The following ACVR1C variants were observed in gnomAD, a reference collection of about 807,000 sequenced individuals.
ACVR1C encodes activin receptor type-1C.
A neutral mutation model predicts 57.9 loss-of-function variants in ACVR1C; 23 were observed. The ratio of observed to expected loss-of-function variants is 0.40; its 90% CI spans 0.29 to 0.56. The LOEUF (loss-of-function observed/expected upper bound fraction) is 0.56, where lower values mean the gene tolerates loss of function less well. Among genes scored for constraint, ACVR1C ranks in the 20% least tolerant of loss-of-function variants. The probability of loss-of-function intolerance (pLI) is 0.50; values close to 1 mark genes in which losing one functional copy is unlikely to be tolerated. For synonymous variants in ACVR1C, 214 were observed against 215.3 expected (o/e 0.99, Z 0.05); for missense variants, 480 against 607.9 (o/e 0.79, Z 2.21).
chr2:157,562,967 T>A (rs577872206), intron 2 of ACVR1C, among the ~76,000 whole-genome samples: 1 of 152,154 alleles, frequency 6.6e-6, no homozygotes, highest in African/African-American at 2.4e-5. Flanking sequence ...ATGGAACATA[T>A]GTTAAAATAA....
At chr2:157,555,958 T>C in intron 3 of ACVR1C, 135 bp downstream of exon 3, 2 of 1,050,026 alleles carry the variant, frequency 1.9e-6, no homozygotes, top group South Asian at 3.5e-5. Context: ...TAAAAGGAGT[T>C]CCTATACCAG....
intron 2 of ACVR1C, among the ~76,000 whole-genome samples, chr2:157,562,194 C>A (rs1245361580): frequency 6.6e-6 from 1 of 151,224 alleles, no homozygotes; most frequent in African/African-American, 2.4e-5. Context: ...ACTTGGGAGG[C>A]TGAGGTAGAA....
rs369028325 is a variant in ACVR1C, at chr2:157,540,043, T to C, written c.1225+1047A>G. Among the ~76,000 whole-genome samples the C allele has an allele frequency of 4.7e-4, 72 of 152,350 alleles. No homozygotes were observed. In the South Asian group the frequency reaches 0.015, roughly 32 times the overall value. ...CAATAGTTTAATAATGGCAGGTCTT[T>C]AATCGAATGTTTACTGTGAACAGGC... On this transcript the variant is annotated intron_variant, in intron 7 of 8. Coordinates refer to ENST00000243349, the MANE Select transcript of ACVR1C (RefSeq NM_145259.3).
Position 157,550,292 on chromosome 2 carries a change from A to C in ACVR1C, c.645T>G (p.Cys215Trp), listed in dbSNP as rs770692161. The change falls in exon 4 of 9, where the codon TGT becomes TGG. Residue 215 changes from cysteine to tryptophan, a missense_variant. Coordinates refer to ENST00000243349, the MANE Select transcript of ACVR1C (RefSeq NM_145259.3). Reference protein sequence around the residue: ...RFGEVWHGRWCGEDVAVKIFS... With the variant: ...RFGEVWHGRWWGEDVAVKIFS... ...ATATTTTCACAGCCACATCTTCCCC[A>C]CACCATCTTCCATGCCACACCTCAC... 1 of 1,614,124 alleles carries C rather than the reference A, an allele frequency of 6.2e-7. No homozygotes were observed. The highest frequency in any genetic ancestry group is 1.1e-5 in the South Asian group (1 of 91,080).
intron 1 of ACVR1C, among the ~76,000 whole-genome samples, chr2:157,625,261 T>A (rs889288977): frequency 6.6e-6 from 1 of 152,068 alleles, no homozygotes. Flanking sequence ...CAATTAAGGG[T>A]CCATTCTTCC....
Position 157,602,405 on chromosome 2 carries a change from T to C in ACVR1C, c.74-14988A>G, listed in dbSNP as rs80116867. On this transcript the variant is annotated intron_variant, in intron 1 of 8. Coordinates refer to ENST00000243349, the MANE Select transcript of ACVR1C (RefSeq NM_145259.3). ...GGAAATGATTCTGTAAGTTATAACA[T>C]GCAGAAATGGTTAGGGGGTTGGTCA... Among the ~76,000 whole-genome samples, 105 of 152,330 alleles carry C rather than the reference T, an allele frequency of 6.9e-4. No individual in the cohort carries two copies. The East Asian group carries it at 0.018, about 26-fold the overall frequency.
rs1299272438 is a variant in ACVR1C, at chr2:157,542,692, G to A, written c.1100+14C>T. The stretch of plus-strand genomic sequence containing the variant: ...TCTCACATCTTACTATGCTACCCAA[G>A]TCAGTCGTCTTACCTCTTGGTTCCC... On this transcript the variant is annotated intron_variant, in intron 6 of 8. Coordinates refer to ENST00000243349, the MANE Select transcript of ACVR1C (RefSeq NM_145259.3). 9.9e-6 allele frequency: 16 copies of A among 1,610,704 alleles called. No individual in the cohort carries two copies. Among genetic ancestry groups the A allele is most frequent in the Non-Finnish European group, 1.4e-5 (16 of 1,178,450 alleles).
At chr2:157,605,302 T>A (rs768058609) in intron 1 of ACVR1C, among the ~76,000 whole-genome samples, 1 of 151,782 alleles carries the variant, frequency 6.6e-6, no homozygotes, top group Non-Finnish European at 1.5e-5. Flanking sequence ...TTATAATGAA[T>A]CTTGAAATAG....
At chr2:157,597,799 T>G (rs1239643069) in intron 1 of ACVR1C, among the ~76,000 whole-genome samples, 5 of 152,238 alleles carry the variant, frequency 3.3e-5, no homozygotes, top group Admixed American at 6.5e-5. Context: ...CAGTGATGAT[T>G]TGATGACGCT....
rs1573940504 is a variant in ACVR1C at position 157,589,666 on chromosome 2, G to GA, written c.74-2250dup. Among the ~76,000 whole-genome samples the GA allele has an allele frequency of 2.0e-5, 3 of 151,752 alleles. No homozygotes were observed. In the South Asian group the frequency reaches 6.2e-4, roughly 31 times the overall value. ...AAATACAACATTTTTCACAGAATTA[G>GA]AAAAAATATCCTAAAATTTTTATGG... On this transcript the variant is annotated intron_variant, in intron 1 of 8. Transcript: ENST00000243349.
chr2:157,564,004 A>G (rs1442800985), intron 2 of ACVR1C, among the ~76,000 whole-genome samples: 2 of 152,232 alleles, frequency 1.3e-5, no homozygotes, highest in African/African-American at 2.4e-5. Flanking sequence ...ACCAAAAACC[A>G]TAAAAACCCT....
intron 3 of ACVR1C, among the ~76,000 whole-genome samples, chr2:157,554,175 T>C (rs529192958): frequency 9.9e-5 from 7 of 70,738 alleles, no homozygotes; most frequent in Admixed American, 2.0e-4. Context: ...AGGGTGAGAA[T>C]CTGGAAAAAA....
intron 1 of ACVR1C, among the ~76,000 whole-genome samples, chr2:157,590,051 C>T (rs1487393366): frequency 6.6e-6 from 1 of 151,550 alleles, no homozygotes; most frequent in Admixed American, 6.6e-5. Context: ...AAAGACTTAA[C>T]TCAAAGCCCT....
At chr2:157,551,366 A>T (rs1456859033) in intron 3 of ACVR1C, among the ~76,000 whole-genome samples, 1 of 152,230 alleles carries the variant, frequency 6.6e-6, no homozygotes, top group Non-Finnish European at 1.5e-5. Flanking sequence ...AATGGTTAAC[A>T]TTATGTTAAT....
intron 3 of ACVR1C, among the ~76,000 whole-genome samples, chr2:157,554,268 A>AAAGAAAGAAAGGAAGGAAGGAAGGAAGG (rs1261113225): frequency 8.8e-6 from 1 of 113,558 alleles, no homozygotes; most frequent in African/African-American, 5.2e-5. Context: ...AGAAAGAAAG[A>AAAGAAAGAAAGGAAGGAAGGAAGGAAGG]AAGGAAGGAA....
intron 3 of ACVR1C, 126 bp downstream of exon 3, chr2:157,555,967 A>C: frequency 4.5e-6 from 5 of 1,112,092 alleles, no homozygotes; most frequent in Non-Finnish European, 6.2e-6. Context: ...TTCCTATACC[A>C]GAGCTCACCA....
At chr2:157,626,921 C>G (rs535762723) in intron 1 of ACVR1C, among the ~76,000 whole-genome samples, 2 of 152,046 alleles carry the variant, frequency 1.3e-5, no homozygotes, top group Non-Finnish European at 1.5e-5. Context: ...TTTAAGTGAG[C>G]GACTTTGAAT....
chr2:157,627,723 A>G (rs1314643522), intron 1 of ACVR1C, among the ~76,000 whole-genome samples: 1 of 152,242 alleles, frequency 6.6e-6, no homozygotes, highest in Non-Finnish European at 1.5e-5. Flanking sequence ...GAAATTTTTA[A>G]AGAATGAGTT....
chr2:157,574,087 G>C (rs1407334335), intron 2 of ACVR1C, among the ~76,000 whole-genome samples: 8 of 152,156 alleles, frequency 5.3e-5, no homozygotes, highest in African/African-American at 1.7e-4. Context: ...CTTCAAGGAT[G>C]TCATATCTTC....
Sources: allele counts gnomAD v4.1 joint callset (sites outside exome capture counted in the v4.1 genomes callset), GRCh38; gene constraint gnomAD v4.1.1; transcripts MANE v1.5; gene names NCBI Gene and HGNC (gene_info 2026-07-23, HGNC 2026-07-21).